OSCP1: variants seen among roughly 807,000 people sequenced by gnomAD.
OSCP1 encodes the protein organic solute carrier partner 1.
OSCP1 carries 35 observed loss-of-function variants against 45.1 expected under a neutral mutation model. That is an observed-to-expected ratio of 0.78 (90% confidence interval 0.59 to 1.03). The LOEUF is 1.03. Among genes scored for constraint, OSCP1 ranks in the 50% least tolerant of loss-of-function variants. The pLI is 0.00. For missense variants in OSCP1, 400 were observed against 470.7 expected, an observed-to-expected ratio of 0.85 and a Z score of 1.39; for synonymous variants, 179 against 180.1, an observed-to-expected ratio of 0.99 and a Z score of 0.05.
intron 4 of OSCP1, among the ~76,000 whole-genome samples, chr1:36,427,870 A>G (rs1357405968): frequency 6.6e-6 from 1 of 152,190 alleles, no homozygotes; most frequent in Admixed American, 6.5e-5. Flanking sequence ...TGCTTCATCC[A>G]TAGCAAATAC....
intron 4 of OSCP1, chr1:36,428,201 A>G: frequency 7.5e-7 from 1 of 1,332,390 alleles, no homozygotes; most frequent in Non-Finnish European, 9.7e-7. Flanking sequence ...AAAAAAAAAA[A>G]AAAAAAAAAG....
Position 36,420,546 on chromosome 1 carries a change from C to A in OSCP1, c.889G>T (p.Glu297Ter). The A allele has an allele frequency of 6.2e-7, 1 of 1,614,138 alleles. No individual in the cohort carries two copies. The highest frequency in any genetic ancestry group is 8.5e-7 in the Non-Finnish European group (1 of 1,180,028). Residue 297 changes from glutamate to a stop codon, truncating the protein, a stop_gained, in exon 8 of 10, where the codon GAG becomes TAG. Transcript: ENST00000235532. LOFTEE classifies it high-confidence loss of function. ...NFLARLMGGM[E>*]IKKPSGPEPG... is the part of the protein sequence containing the mutation. ...TCAGGGCCACTGGGTTTCTTAATCT[C>A]CATCCCTCCCATCAGCCTGGCCAAG...
In OSCP1 at chr1:36,444,169, T is replaced by G. The variant is rs1649367167; in HGVS notation, c.113-5259A>C. On this transcript the variant is annotated intron_variant, in intron 1 of 9. Transcript: ENST00000235532. ...TCACGTTGGCATTTAATGTCTAATGTGAGCACACTGCCTTCTATTTGAAAC... is the reference window on the plus strand; with the variant it reads ...TCACGTTGGCATTTAATGTCTAATGGGAGCACACTGCCTTCTATTTGAAAC... 1.5e-5 allele frequency: 14 copies of G among 920,464 alleles called. No homozygotes were observed. The South Asian group carries it at 2.1e-4, about 14-fold the overall frequency. 57.0% of individuals were successfully genotyped at this position (920,464 alleles called of 1,614,324 possible). A position where few individuals can be genotyped will look rare whatever the true frequency, so the allele number is the denominator to read the frequency against.
intron 4 of OSCP1, among the ~76,000 whole-genome samples, chr1:36,427,167 A>C (rs1648020721): frequency 6.7e-6 from 1 of 149,594 alleles, no homozygotes; most frequent in Non-Finnish European, 1.5e-5. Flanking sequence ...TGCCTGGCTA[A>C]TTTTTGTATT....
At chr1:36,422,100 C>A (rs1647651112) in intron 7 of OSCP1, 50 bp downstream of exon 7, 1 of 1,542,158 alleles carries the variant, frequency 6.5e-7, no homozygotes, top group South Asian at 1.1e-5. Context: ...ATGTAGACTT[C>A]CGTATCTAGA....
At chr1:36,423,072 T>C (rs1187561731) in intron 5 of OSCP1, among the ~76,000 whole-genome samples, 176 bp from the exon 6 acceptor site, 1 of 152,200 alleles carries the variant, frequency 6.6e-6, no homozygotes, top group African/African-American at 2.4e-5. Flanking sequence ...AGCATATGTA[T>C]GTGCCAATTG....
intron 1 of OSCP1, chr1:36,439,143 A>AAT: frequency 2.4e-6 from 1 of 420,750 alleles, no homozygotes. Context: ...ACAAGGCACT[A>AAT]ATGTGTTGTG....
intron 1 of OSCP1, among the ~76,000 whole-genome samples, chr1:36,445,338 A>G (rs1649451711): frequency 6.6e-6 from 1 of 152,144 alleles, no homozygotes; most frequent in South Asian, 2.1e-4. Flanking sequence ...ACTCCATCTC[A>G]AAAAACAAAA....
intron 6 of OSCP1, 97 bp from the exon 7 acceptor site, chr1:36,422,316 T>C: frequency 2.7e-6 from 3 of 1,122,562 alleles, no homozygotes; most frequent in Non-Finnish European, 4.0e-6. Context: ...TTCTGAGACA[T>C]TAAATAGCAT....
chr1:36,430,443 G>A (rs1331441343), intron 4 of OSCP1, among the ~76,000 whole-genome samples: 3 of 152,150 alleles, frequency 2.0e-5, no homozygotes, highest in African/African-American at 7.2e-5. Flanking sequence ...AAGAGTATGA[G>A]GGCCTGAGCC....
chr1:36,418,912 G>T, intron 9 of OSCP1, 79 bp downstream of exon 9: 1 of 1,216,380 alleles, frequency 8.2e-7, no homozygotes, highest in Non-Finnish European at 1.2e-6. Flanking sequence ...GGGTGACAGA[G>T]CGAGACCCTG....
intron 1 of OSCP1, among the ~76,000 whole-genome samples, chr1:36,448,912 T>C (rs952717185): frequency 5.3e-5 from 8 of 152,180 alleles, no homozygotes; most frequent in Admixed American, 4.6e-4. Context: ...ACAAAGGGTT[T>C]TAGGCAGGGG....
At chr1:36,428,189 C>CAAAAAAAAAAAAAAA (rs71053930) in intron 4 of OSCP1, 2 of 847,156 alleles carry the variant, frequency 2.4e-6, no homozygotes, top group Non-Finnish European at 2.9e-6. Flanking sequence ...GACTGCATCT[C>CAAAAAAAAAAAAAAA]AAAAAAAAAA....
chr1:36,435,499 AT>A (rs770206250), intron 2 of OSCP1, among the ~76,000 whole-genome samples: 42 of 152,052 alleles, frequency 2.8e-4, no homozygotes, highest in Admixed American at 6.6e-4. Flanking sequence ...TGAAAATATA[AT>A]TAATATTTAT....
At chr1:36,435,400 G>A (rs745929562) in intron 2 of OSCP1, among the ~76,000 whole-genome samples, 2 of 151,834 alleles carry the variant, frequency 1.3e-5, no homozygotes, top group Non-Finnish European at 2.9e-5. Flanking sequence ...TTCCACCTGG[G>A]CCTCTCAAAG....
chr1:36,428,881 G>C (rs1440179222), intron 4 of OSCP1, among the ~76,000 whole-genome samples: 2 of 152,162 alleles, frequency 1.3e-5, no homozygotes, highest in Non-Finnish European at 2.9e-5. Context: ...GGAGGTGGAG[G>C]TTGCAGTAAG....
intron 7 of OSCP1, 76 bp downstream of exon 7, chr1:36,422,074 G>A (rs1444769431): frequency 2.1e-5 from 29 of 1,400,396 alleles, no homozygotes; most frequent in Middle Eastern, 1.8e-4. Context: ...AATCTAAAGC[G>A]TTCTCACCTC....
chr1:36,418,926 CAAGAAA>C, intron 9 of OSCP1, 59 bp downstream of exon 9: 3 of 1,266,028 alleles, frequency 2.4e-6, no homozygotes, highest in Admixed American at 1.9e-5. Flanking sequence ...GACCCTGTCT[CAAGAAA>C]AAAAAAAAAA....
At chr1:36,430,978 T>C (rs1183218911) in intron 4 of OSCP1, among the ~76,000 whole-genome samples, 2 of 152,150 alleles carry the variant, frequency 1.3e-5, no homozygotes, top group Non-Finnish European at 1.5e-5. Context: ...TTAGAAGCAA[T>C]TGGATGAAGA....
Sources: gnomAD v4.1 joint callset for allele counts (sites outside exome capture counted in the v4.1 genomes callset) on GRCh38, gnomAD v4.1.1 for gene constraint, MANE v1.5 for transcripts, NCBI Gene and HGNC (gene_info 2026-07-23, HGNC 2026-07-21) for gene names.